The following ARHGAP22 variants were observed in gnomAD, a reference collection of about 807,000 sequenced individuals.
ARHGAP22 encodes Rho GTPase activating protein 22.
A neutral mutation model predicts 59.1 loss-of-function variants in ARHGAP22; 48 were observed. That is an observed-to-expected ratio of 0.81 (90% confidence interval 0.64 to 1.03). The LOEUF is 1.03. ARHGAP22 is among the 50% of genes least tolerant of loss of function. The pLI, the probability that ARHGAP22 is intolerant of heterozygous loss-of-function variation, is 0.00. For missense variants in ARHGAP22, 1,015 were observed against 958.7 expected (o/e 1.06, Z -0.78); for synonymous variants, 445 against 416.4 (o/e 1.07, Z -0.84).
intron 2 of ARHGAP22, among the ~76,000 whole-genome samples, chr10:48,561,371 A>C (rs2135391893): frequency 6.6e-6 from 1 of 152,326 alleles, no homozygotes; most frequent in Non-Finnish European, 1.5e-5. Flanking sequence ...TGAATGATAT[A>C]CCTAAACACA....
intron 3 of ARHGAP22, among the ~76,000 whole-genome samples, chr10:48,526,293 G>A (rs1300183561): frequency 1.3e-5 from 2 of 152,194 alleles, no homozygotes; most frequent in Non-Finnish European, 2.9e-5. Context: ...TTCATTCAAA[G>A]GAGAGATTAA....
intron 2 of ARHGAP22, among the ~76,000 whole-genome samples, chr10:48,579,101 T>A (rs2058949691): frequency 7.9e-6 from 1 of 126,848 alleles, no homozygotes; most frequent in African/African-American, 3.2e-5. Context: ...TCTTGTTTTT[T>A]ATTTTTTTTT....
chr10:48,592,866 A>AG (rs1335636098), intron 1 of ARHGAP22, among the ~76,000 whole-genome samples: 1 of 152,190 alleles, frequency 6.6e-6, no homozygotes, highest in Non-Finnish European at 1.5e-5. Flanking sequence ...TCTTCAAAAG[A>AG]GGGCAGCCAG....
At chr10:48,627,982 T>C (rs1044041535) in intron 1 of ARHGAP22, among the ~76,000 whole-genome samples, 4 of 152,178 alleles carry the variant, frequency 2.6e-5, no homozygotes, top group African/African-American at 9.7e-5. Flanking sequence ...GAAGTATCAG[T>C]CCCAAGTAAA....
intron 9 of ARHGAP22, 52 bp downstream of exon 9, chr10:48,450,209 C>G: frequency 6.3e-7 from 1 of 1,582,314 alleles, no homozygotes; most frequent in South Asian, 1.2e-5. Flanking sequence ...GAGCACGGCT[C>G]TCCCTGCAGG....
rs762020679 is a variant in ARHGAP22, at chr10:48,479,716, A to G, written c.371T>C (p.Leu124Pro). 1.6e-5 allele frequency: 26 copies of G among 1,607,986 alleles called. No individual in the cohort carries two copies. The highest frequency in any genetic ancestry group is 8.0e-5 in the African/African-American group (6 of 74,860). ...GTCACGCTGGGAGCTGGCCATGAGC[A>G]GGAGCGCCTCGGGGTTGGCCGGCAC... ...EKVPANPEAL[L>P]LMASSQRDME... The change falls in exon 4 of 10, where the codon CTG becomes CCG. Residue 124 changes from leucine to proline, a missense_variant. Physicochemically the swap from Leu to Pro is moderately conservative, Grantham distance 98 (BLOSUM62 -3). Coordinates refer to ENST00000249601, the MANE Select transcript of ARHGAP22 (RefSeq NM_021226.4).
At chr10:48,647,140 T>G (rs1025590456) in intron 1 of ARHGAP22, among the ~76,000 whole-genome samples, 1 of 152,186 alleles carries the variant, frequency 6.6e-6, no homozygotes, top group African/African-American at 2.4e-5. Flanking sequence ...ACACTTGTAA[T>G]CCCAACACTT....
At position 48,459,752 on chromosome 10, in the gene ARHGAP22, T is replaced by C. The variant is rs3853761; in HGVS notation, c.591A>G (p.Pro197=). 0.98 allele frequency: 1,586,849 copies of C among 1,614,082 alleles called. 783,621 individuals carry two copies. Among genetic ancestry groups the C allele is most frequent in the East Asian group, 1 (44,867 of 44,872 alleles). ...GLTEEGLFRM[P]GQANLVRDLQ... is the part of the protein sequence containing the mutation. ...GGTCCCTCACCAGGTTGGCCTGGCC[T>C]GGCATGCGGAACAGCCCCTCCTCAG... Residue 197 remains proline (P), a synonymous_variant, in exon 5 of 10, where the codon CCA becomes CCG. Coordinates refer to ENST00000249601, the MANE Select transcript of ARHGAP22 (RefSeq NM_021226.4).
chr10:48,632,142 C>T (rs1176767777), intron 1 of ARHGAP22, among the ~76,000 whole-genome samples: 1 of 152,168 alleles, frequency 6.6e-6, no homozygotes, highest in Non-Finnish European at 1.5e-5. Context: ...CCCACGAGTC[C>T]TCAAAGTCCA....
chr10:48,454,825 G>T (rs2046331852), intron 6 of ARHGAP22, among the ~76,000 whole-genome samples, 177 bp downstream of exon 6: 1 of 150,966 alleles, frequency 6.6e-6, no homozygotes, highest in Non-Finnish European at 1.5e-5. Context: ...AGGATGCCCT[G>T]GCCCCTCCCC....
intron 3 of ARHGAP22, among the ~76,000 whole-genome samples, chr10:48,513,110 G>A (rs550761633): frequency 6.6e-6 from 1 of 151,936 alleles, no homozygotes; most frequent in African/African-American, 2.4e-5. Flanking sequence ...TATTTGATCT[G>A]ACTCAGAGCT....
chr10:48,591,118 A>G (rs1425010009), intron 1 of ARHGAP22, among the ~76,000 whole-genome samples: 1 of 152,186 alleles, frequency 6.6e-6, no homozygotes, highest in African/African-American at 2.4e-5. Context: ...GAGCCTGAGT[A>G]GCCCTTAAGT....
At chr10:48,542,797 G>T (rs2056081540) in intron 3 of ARHGAP22, among the ~76,000 whole-genome samples, 1 of 152,230 alleles carries the variant, frequency 6.6e-6, no homozygotes, top group Admixed American at 6.5e-5. Context: ...CAGAGTGGAG[G>T]CTGAACACCC....
intron 1 of ARHGAP22, among the ~76,000 whole-genome samples, chr10:48,640,374 A>G (rs2136150361): frequency 6.6e-6 from 1 of 152,240 alleles, no homozygotes; most frequent in East Asian, 1.9e-4. Context: ...TTCATGTATA[A>G]TTATCTCAAA....
rs1334902661 is a variant in ARHGAP22, at chr10:48,459,777, G to A, written c.566C>T (p.Thr189Ile). Residue 189 changes from threonine (T) to isoleucine (I), a missense_variant, in exon 5 of 10, where the codon ACT (threonine) becomes ATT (isoleucine). By Grantham distance (89) the Thr-to-Ile change is moderately conservative (BLOSUM62 -1). Coordinates refer to ENST00000249601, the MANE Select transcript of ARHGAP22 (RefSeq NM_021226.4). ...CVDFIRERGL[T>I]EEGLFRMPGQ... The stretch of plus-strand genomic sequence containing the variant: ...TGGCATGCGGAACAGCCCCTCCTCA[G>A]TGAGCCCGCGCTCCCGGATGAAGTC... 1.2e-6 allele frequency: 2 copies of A among 1,613,990 alleles called. No homozygotes were observed. The highest frequency in any genetic ancestry group is 1.7e-6 in the Non-Finnish European group (2 of 1,180,046).
intron 4 of ARHGAP22, among the ~76,000 whole-genome samples, chr10:48,469,824 AC>A (rs2048062014): frequency 1.3e-5 from 2 of 152,302 alleles, no homozygotes; most frequent in South Asian, 4.1e-4. Context: ...AAGCTGAGAG[AC>A]AAAGATCCCA....
rs1276076271 is a variant in ARHGAP22 at position 48,450,367 on chromosome 10, G to C, written c.1762C>G (p.Pro588Ala). 1 of 1,584,564 alleles carries C rather than the reference G, an allele frequency of 6.3e-7. No homozygotes were observed. Among genetic ancestry groups the C allele is most frequent in the Admixed American group, 1.8e-5 (1 of 56,190 alleles). Residue 588 changes from proline (P) to alanine (A), a missense_variant, in exon 9 of 10, where the codon CCC becomes GCC. Physicochemically the swap from Pro to Ala is conservative, Grantham distance 27. Transcript: ENST00000249601. ...SNSEPSEPDS[P>A]TREHARRSEA... ...GAGCGGCGCGCGTGTTCCCGGGTGG[G>C]GCTGTCCGGCTCGCTGGGCTCGCTG...
chr10:48,471,760 A>G (rs776829258), intron 4 of ARHGAP22, among the ~76,000 whole-genome samples: 3 of 152,160 alleles, frequency 2.0e-5, no homozygotes, highest in Non-Finnish European at 4.4e-5. Context: ...CCACAGGGAG[A>G]GCACCCCCTT....
At chr10:48,602,989 C>A (rs1261067738) in intron 1 of ARHGAP22, among the ~76,000 whole-genome samples, 2 of 152,140 alleles carry the variant, frequency 1.3e-5, no homozygotes, top group Admixed American at 6.5e-5. Context: ...CATGTGCGCA[C>A]ATGTGAATGT....
Sources: gnomAD v4.1 joint callset for allele counts (sites outside exome capture counted in the v4.1 genomes callset) on GRCh38, gnomAD v4.1.1 for gene constraint, MANE v1.5 for transcripts, NCBI Gene and HGNC (gene_info 2026-07-23, HGNC 2026-07-21) for gene names.